Variants in KLHL13 observed in about 807,000 individuals in gnomAD.
KLHL13 encodes kelch like family member 13.
Under a neutral mutation model 37.1 loss-of-function variants are expected in KLHL13, and 10 were observed. That is an observed-to-expected ratio of 0.27 (90% CI 0.17 to 0.46). The LOEUF is 0.46. Ranked by LOEUF, KLHL13 falls within the 20% of genes least tolerant of loss-of-function variation. The pLI, the probability that KLHL13 is intolerant of heterozygous loss-of-function variation, is 1.00. For synonymous variants in KLHL13, 163 were observed against 181.2 expected, an observed-to-expected ratio of 0.90 and a Z score of 0.81; for missense variants, 360 against 509.3, an observed-to-expected ratio of 0.71 and a Z score of 2.82.
At chrX:118,079,936 T>A (rs1463671212) in intron 1 of KLHL13, among the ~76,000 whole-genome samples, 1 of 111,178 alleles carries the variant, frequency 9.0e-6, no homozygotes, top group African/African-American at 3.3e-5. Context: ...AACAGACACA[T>A]AGACCAATGG....
chrX:118,094,266 G>A (rs895162821), intron 1 of KLHL13, among the ~76,000 whole-genome samples: 8 of 111,212 alleles, frequency 7.2e-5, no homozygotes, highest in East Asian at 2.8e-4. Context: ...TAGCCGATGC[G>A]ATCAAATGGA....
chrX:118,040,972 T>A (rs1450427897), intron 1 of KLHL13, among the ~76,000 whole-genome samples: 7 of 112,034 alleles, frequency 6.2e-5, no homozygotes, highest in Non-Finnish European at 1.3e-4. Flanking sequence ...GGCAAAAATA[T>A]CTTTCAAACA....
At position 117,962,524 on chromosome X, in the gene KLHL13, A is replaced by G. The variant is rs1186121637; in HGVS notation, c.98+10207T>C. Among the ~76,000 whole-genome samples the G allele has an allele frequency of 2.7e-5, 3 of 111,296 alleles. No homozygotes were observed. In the East Asian group the frequency reaches 8.5e-4, roughly 31 times the overall value. ...AATAGTGCTTCAAGGAACTATGGAA[A>G]CATCAAGAGACAATGGAGTTAATCC... On this transcript the variant is annotated intron_variant, in intron 1 of 6. Coordinates refer to ENST00000262820, the Ensembl canonical transcript of KLHL13.
At chrX:117,944,079 G>C (rs1933193348) in intron 2 of KLHL13, among the ~76,000 whole-genome samples, 1 of 111,007 alleles carries the variant, frequency 9.0e-6, no homozygotes, top group African/African-American at 3.3e-5. Flanking sequence ...CCTTCTAACA[G>C]GCCCCTCTGC....
intron 1 of KLHL13, among the ~76,000 whole-genome samples, chrX:118,068,352 T>A (rs2054817207): frequency 9.0e-6 from 1 of 111,016 alleles, no homozygotes; most frequent in Non-Finnish European, 1.9e-5. Flanking sequence ...TATATTTTAA[T>A]GAAAATAACT....
At chrX:117,951,757 T>C (rs951525330) in intron 1 of KLHL13, among the ~76,000 whole-genome samples, 4 of 112,437 alleles carry the variant, frequency 3.6e-5, no homozygotes, top group Non-Finnish European at 5.6e-5. Flanking sequence ...AATAAGATCA[T>C]TTACCCAGCA....
intron 1 of KLHL13, among the ~76,000 whole-genome samples, chrX:118,114,401 T>C (rs753212631): frequency 8.9e-6 from 1 of 112,558 alleles, no homozygotes; most frequent in Admixed American, 9.4e-5. Context: ...AAAATGCTTA[T>C]GGCTAACTCA....
chrX:117,960,318 C>A (rs774837940), intron 1 of KLHL13, among the ~76,000 whole-genome samples: 3 of 111,045 alleles, frequency 2.7e-5, no homozygotes, highest in Non-Finnish European at 5.7e-5. Context: ...GTAACCAGAT[C>A]TGAGATCAGA....
chrX:118,034,464 A>C (rs1280941204), intron 1 of KLHL13, among the ~76,000 whole-genome samples: 8 of 98,108 alleles, frequency 8.2e-5, no homozygotes, highest in Non-Finnish European at 9.9e-5. Context: ...ACTACATGGA[A>C]ACTGAACAAC....
chrX:117,991,300 G>A (rs1225168695), intron 1 of KLHL13, among the ~76,000 whole-genome samples: 1 of 110,128 alleles, frequency 9.1e-6, no homozygotes, highest in African/African-American at 3.3e-5. Flanking sequence ...ATTGGCTCAG[G>A]AGCCACAGAG....
chrX:117,940,856 G>T (rs1488066489), intron 2 of KLHL13, among the ~76,000 whole-genome samples: 2 of 111,566 alleles, frequency 1.8e-5, no homozygotes, highest in African/African-American at 6.5e-5. Context: ...GAGATGATGG[G>T]ATTTTCTAAA....
Position 118,070,643 on chromosome X carries a change from T to A in KLHL13, c.-56+45865A>T, listed in dbSNP as rs1166684011. Among the ~76,000 whole-genome samples, 5 of 108,368 alleles carry A rather than the reference T, an allele frequency of 4.6e-5. No individual in the cohort carries two copies. In the South Asian group the frequency reaches 1.5e-3, roughly 32 times the overall value. 94.1% of individuals were successfully genotyped at this position (108,368 alleles called of 115,157 possible). On this transcript the variant is annotated intron_variant, in intron 1 of 6. Coordinates refer to the KLHL13 transcript ENST00000371882. The stretch of plus-strand genomic sequence containing the variant: ...CAAATTATGTATAACCATAATAGAT[T>A]TTTTTTTGTCTGCTTGTTCTATCAG...
intron 1 of KLHL13, among the ~76,000 whole-genome samples, chrX:117,971,725 G>A: frequency 9.0e-6 from 1 of 110,961 alleles, no homozygotes; most frequent in Non-Finnish European, 1.9e-5. Context: ...AGATATAATT[G>A]TGCATCTCTA....
In KLHL13 at chrX:117,951,831, T is replaced by G. The variant is rs184662965; in HGVS notation, c.99-6256A>C. Among the ~76,000 whole-genome samples, 95 of 112,034 alleles carry G rather than the reference T, an allele frequency of 8.5e-4. 1 individual carries two copies. The highest frequency in any genetic ancestry group is 5.5e-4 in the Non-Finnish European group (29 of 53,061). On this transcript the variant is annotated intron_variant, in intron 1 of 6. Coordinates refer to ENST00000262820, the Ensembl canonical transcript of KLHL13. Reference sequence around the variant, plus strand: ...TATCCTATTTAATCCTTGTAATAACTCATTTAACTTACAAAGGACATGAAG... The same window carrying G: ...TATCCTATTTAATCCTTGTAATAACGCATTTAACTTACAAAGGACATGAAG...
intron 1 of KLHL13, among the ~76,000 whole-genome samples, chrX:118,115,286 C>T (rs902950885): frequency 3.3e-4 from 37 of 112,726 alleles, no homozygotes; most frequent in African/African-American, 1.1e-3. Context: ...CTTTGTGCTT[C>T]TCCATTCAGC....
At chrX:117,966,529 T>C (rs1319318912) in intron 1 of KLHL13, among the ~76,000 whole-genome samples, 2 of 111,598 alleles carry the variant, frequency 1.8e-5, no homozygotes, top group African/African-American at 3.3e-5. Context: ...AAGCTACCGA[T>C]GACCTTCTTC....
intron 2 of KLHL13, among the ~76,000 whole-genome samples, chrX:117,934,592 G>A (rs1466032073): frequency 9.1e-6 from 1 of 110,464 alleles, no homozygotes; most frequent in Non-Finnish European, 1.9e-5. Context: ...AAAGCTGAAG[G>A]TGCTTGGAGA....
chrX:118,035,608 T>A (rs1290253967), intron 1 of KLHL13, among the ~76,000 whole-genome samples: 1 of 109,843 alleles, frequency 9.1e-6, no homozygotes, highest in Non-Finnish European at 1.9e-5. Flanking sequence ...TAATAAGAGC[T>A]ATCTATGACA....
At chrX:117,967,940 T>TA (rs902028750) in intron 1 of KLHL13, among the ~76,000 whole-genome samples, 12 of 110,681 alleles carry the variant, frequency 1.1e-4, no homozygotes, top group African/African-American at 2.6e-4. Context: ...ATCCTATAAT[T>TA]AAAAAAAATA....
Sources: allele counts gnomAD v4.1 joint callset (sites outside exome capture counted in the v4.1 genomes callset), GRCh38; gene constraint gnomAD v4.1.1; transcripts MANE v1.5; gene names NCBI Gene and HGNC (gene_info 2026-07-23, HGNC 2026-07-21).